NHSL1: variants seen among roughly 807,000 people sequenced by gnomAD.
The protein encoded by NHSL1 is NHS-like protein 1.
NHSL1 carries 48 observed loss-of-function variants against 95.0 expected under a neutral mutation model. The ratio of observed to expected loss-of-function variants is 0.51; its 90% confidence interval spans 0.40 to 0.64. The LOEUF is 0.64. Among genes scored for constraint, NHSL1 ranks in the 30% least tolerant of loss-of-function variants. NHSL1 has a pLI of 0.00. For synonymous variants in NHSL1, 783 were observed against 833.9 expected (o/e 0.94, Z 1.05); for missense variants, 1,971 against 2,077.7 (o/e 0.95, Z 1.00).
intron 1 of NHSL1, among the ~76,000 whole-genome samples, chr6:138,615,332 G>A (rs1282179314): frequency 1.3e-5 from 2 of 152,164 alleles, no homozygotes; most frequent in East Asian, 1.9e-4. Context: ...TTTTGCTGGT[G>A]GAAATTATGA....
rs1199923612 is a variant in NHSL1 at position 138,429,787 on chromosome 6, T to C, written c.4009A>G (p.Lys1337Glu). 3.2e-6 allele frequency: 5 copies of C among 1,551,762 alleles called. No individual in the cohort carries two copies. The Admixed American group carries it at 9.8e-5, about 30-fold the overall frequency. Reference sequence around the variant, plus strand: ...ATTACCTCATCATTCCCGTCTTCCTTGAGGAAGTCACAGGCCTCTGAGGAT... The same window carrying C: ...ATTACCTCATCATTCCCGTCTTCCTCGAGGAAGTCACAGGCCTCTGAGGAT... ...GSSSEACDFL[K>E]EDGNDEVMTP... Residue 1337 changes from lysine (K) to glutamate (E), a missense_variant, in exon 7 of 8, where the codon AAG becomes GAG. Around this residue, in one of 3 missense-constraint regions of NHSL1, gnomAD observed 146 missense variants for 206.3 expected, o/e 0.71. Coordinates refer to ENST00000343505, the MANE Select transcript of NHSL1 (RefSeq NM_001144060.2).
intron 2 of NHSL1, among the ~76,000 whole-genome samples, chr6:138,487,345 C>T (rs1001220432): frequency 2.6e-5 from 4 of 152,302 alleles, no homozygotes; most frequent in African/African-American, 9.6e-5. Context: ...ATAATACCAC[C>T]GCTATGAACC....
chr6:138,449,298 T>C (rs1391559121), intron 3 of NHSL1, among the ~76,000 whole-genome samples: 2 of 152,196 alleles, frequency 1.3e-5, no homozygotes, highest in African/African-American at 4.8e-5. Context: ...AAAATGGGGC[T>C]ATACAGCCTA....
At position 138,424,067 on chromosome 6, in the gene NHSL1, T is replaced by C; in HGVS notation, c.*14A>G. ...TCTCCCCCCGTGTCACCTGGGAGAG[T>C]TACGTTCTTGGCCCTAACTCTCCTC... On this transcript the variant is annotated 3_prime_UTR_variant, in exon 8 of 8. Transcript: ENST00000343505. The surrounding 1 kb of genome is among the most constrained non-coding windows in gnomAD (Gnocchi z 5.9). The C allele has an allele frequency of 1.5e-6, 2 of 1,349,170 alleles. No individual in the cohort carries two copies. Among genetic ancestry groups the C allele is most frequent in the Admixed American group, 3.3e-5 (1 of 30,220 alleles). The allele number at this position is 1,349,170 out of a possible 1,614,324, so 83.6% of individuals were successfully genotyped here. A position where few individuals can be genotyped will look rare whatever the true frequency, so the allele number is the denominator to read the frequency against.
chr6:138,533,992 G>A (rs2128318100), intron 1 of NHSL1, among the ~76,000 whole-genome samples: 1 of 152,282 alleles, frequency 6.6e-6, no homozygotes, highest in African/African-American at 2.4e-5. Flanking sequence ...GCTTCCACAT[G>A]CTACAGGCCA....
intron 1 of NHSL1, among the ~76,000 whole-genome samples, chr6:138,579,670 A>C (rs576395771): frequency 1.3e-5 from 2 of 152,340 alleles, no homozygotes; most frequent in South Asian, 4.1e-4. Flanking sequence ...CTGATAATCC[A>C]CACACAGGCT....
At chr6:138,614,847 T>C (rs1018035419) in intron 1 of NHSL1, among the ~76,000 whole-genome samples, 1 of 152,156 alleles carries the variant, frequency 6.6e-6, no homozygotes, top group Non-Finnish European at 1.5e-5. Context: ...GGATCTAGGT[T>C]GAATGCTTCT....
chr6:138,608,856 A>C lies in NHSL1; in HGVS notation c.96+83620T>G, dbSNP rs77778688. 2.7e-3 allele frequency among the ~76,000 whole-genome samples: 416 copies of C among 152,354 alleles called. 5 individuals carry two copies. Among genetic ancestry groups the C allele is most frequent in the African/African-American group, 9.7e-3 (402 of 41,590 alleles). On this transcript the variant is annotated intron_variant, in intron 1 of 3. Coordinates refer to the NHSL1 transcript ENST00000491526. ...CCCTCCCTTTTAGGGGATTAGGAAG[A>C]AATCTTAAACACAGGAAAGACATTT...
At chr6:138,566,118 C>G (rs1783605250) in intron 1 of NHSL1, among the ~76,000 whole-genome samples, 1 of 152,092 alleles carries the variant, frequency 6.6e-6, no homozygotes, top group African/African-American at 2.4e-5. Flanking sequence ...AAACTGTTGG[C>G]CAGGCGTGGT....
At chr6:138,429,306 C>T (rs750297441) in intron 7 of NHSL1, among the ~76,000 whole-genome samples, 3 of 152,114 alleles carry the variant, frequency 2.0e-5, no homozygotes, top group Non-Finnish European at 2.9e-5. Flanking sequence ...ACTAAAACAT[C>T]TTTAGGAAGA....
Position 138,661,130 on chromosome 6 carries a change from T to C in NHSL1, c.96+31346A>G, listed in dbSNP as rs576114811. On this transcript the variant is annotated intron_variant, in intron 1 of 3. Transcript: ENST00000491526. ...CTCCCATAGTTACTTTTTTTATGTA[T>C]GTGTATGGTGGAAACACTTCAGATG... Among the ~76,000 whole-genome samples, 19 of 152,334 alleles carry C rather than the reference T, an allele frequency of 1.2e-4. No individual in the cohort carries two copies. In the South Asian group the frequency reaches 3.7e-3, roughly 30 times the overall value.
intron 1 of NHSL1, among the ~76,000 whole-genome samples, chr6:138,498,172 T>C (rs1780468852): frequency 6.6e-6 from 1 of 152,230 alleles, no homozygotes; most frequent in South Asian, 2.1e-4. Flanking sequence ...TTTGTGCTGA[T>C]GTCCATTTAT....
chr6:138,486,665 T>G (rs2128272194), intron 2 of NHSL1, among the ~76,000 whole-genome samples: 1 of 152,290 alleles, frequency 6.6e-6, no homozygotes, highest in African/African-American at 2.4e-5. Context: ...CGGCTTTGAC[T>G]CTGATCTCTC....
chr6:138,526,733 T>C (rs1360130738), intron 1 of NHSL1, among the ~76,000 whole-genome samples: 3 of 152,220 alleles, frequency 2.0e-5, no homozygotes, highest in South Asian at 2.1e-4. Context: ...AGCTTACTAA[T>C]TTCCCTCTGC....
chr6:138,591,512 G>A (rs1784227723), intron 1 of NHSL1, among the ~76,000 whole-genome samples: 2 of 152,124 alleles, frequency 1.3e-5, no homozygotes, highest in Non-Finnish European at 2.9e-5. Context: ...CACCTCTAGA[G>A]CTCAAGCAAT....
At chr6:138,641,622 C>CAAA (rs771307557) in intron 1 of NHSL1, among the ~76,000 whole-genome samples, 26 of 76,394 alleles carry the variant, frequency 3.4e-4, no homozygotes, top group East Asian at 2.3e-3. Context: ...GACTCCGTCT[C>CAAA]AAAAAAAAAA....
In NHSL1 at chr6:138,651,500, G is replaced by A. The variant is rs75339123; in HGVS notation, c.96+40976C>T. 6.3e-3 allele frequency among the ~76,000 whole-genome samples: 954 copies of A among 152,302 alleles called. 6 individuals are homozygous for A. The highest frequency in any genetic ancestry group is 0.014 in the Middle Eastern group (4 of 294). On this transcript the variant is annotated intron_variant, in intron 1 of 3. Coordinates refer to the NHSL1 transcript ENST00000491526. Reference sequence around the variant, plus strand: ...GTTGTAGAAACAACGAAACTTCAATGCTCACTCAGAAATCACCTAACCCTA... The same window carrying A: ...GTTGTAGAAACAACGAAACTTCAATACTCACTCAGAAATCACCTAACCCTA...
chr6:138,568,778 G>T (rs181929249), intron 1 of NHSL1, among the ~76,000 whole-genome samples: 2 of 152,038 alleles, frequency 1.3e-5, no homozygotes, highest in Non-Finnish European at 1.5e-5. Flanking sequence ...GCTTCTAATC[G>T]TATAAAAAGA....
intron 3 of NHSL1, among the ~76,000 whole-genome samples, chr6:138,465,750 G>A (rs901888368): frequency 2.1e-5 from 3 of 140,474 alleles, no homozygotes; most frequent in Non-Finnish European, 4.5e-5. Context: ...TTGAGACAGA[G>A]TCTAGCTCTG....
Sources: gnomAD v4.1 joint callset for allele counts (sites outside exome capture counted in the v4.1 genomes callset) on GRCh38, gnomAD v4.1.1 for gene constraint, gnomAD v4.1.1 regional missense constraint, Gnocchi (gnomAD v3.1) non-coding constraint, MANE v1.5 for transcripts, NCBI Gene and HGNC (gene_info 2026-07-23, HGNC 2026-07-21) for gene names.